Variants in ZNF135 observed in about 807,000 individuals in gnomAD.
ZNF135 encodes zinc finger protein 135.
ZNF135 carries 11 observed loss-of-function variants against 12.3 expected under a neutral mutation model. The ratio of observed to expected loss-of-function variants is 0.89; its 90% CI spans 0.56 to 1.48. The LOEUF is 1.48. Ranked by LOEUF, ZNF135 falls within the 40% of genes most tolerant of loss-of-function variation. The pLI is 0.00. For synonymous variants in ZNF135, 316 were observed against 312.0 expected (o/e 1.01, Z -0.14); for missense variants, 722 against 815.7 (o/e 0.89, Z 1.40).
At position 58,059,299 on chromosome 19, in the gene ZNF135, G is replaced by A. The variant is rs1264370580; in HGVS notation, c.-46G>A. ...CTGCCGGTGCCGCGGCCTTTGTCTC[G>A]CAGTCAGGAGGGTGAGCTAGGCCGG... On this transcript the variant is annotated 5_prime_UTR_variant, in exon 1 of 5. Transcript: ENST00000313434. This position sits in a 1 kb window ranked among gnomAD's most constrained non-coding sequence, Gnocchi z 6.5. 1 of 1,516,396 alleles carries A rather than the reference G, an allele frequency of 6.6e-7. No homozygotes were observed. The highest frequency in any genetic ancestry group is 8.8e-7 in the Non-Finnish European group (1 of 1,131,398). The allele number at this position is 1,516,396 out of a possible 1,614,324, so 93.9% of individuals were successfully genotyped here. A position where few individuals can be genotyped will look rare whatever the true frequency, so the allele number is the denominator to read the frequency against.
Position 58,068,372 on chromosome 19 carries a change from G to A in ZNF135, c.1888G>A (p.Gly630Arg), listed in dbSNP as rs1441103904. 1 of 1,614,178 alleles carries A rather than the reference G, an allele frequency of 6.2e-7. No individual in the cohort carries two copies. Among genetic ancestry groups the A allele is most frequent in the South Asian group, 1.1e-5 (1 of 91,086 alleles). Residue 630 changes from glycine to arginine, a missense_variant, in exon 5 of 5, where the codon GGA becomes AGA. Gly to Arg is a moderately radical substitution (Grantham distance 125). Coordinates refer to ENST00000313434, the MANE Select transcript of ZNF135 (RefSeq NM_001289401.2). ...HLTQHRRIHT[G>R]EKPYACRDCG... Reference sequence around the variant, plus strand: ...CACTCAGCACCGGAGGATCCACACAGGAGAGAAGCCATATGCATGCAGGGA... The same window carrying A: ...CACTCAGCACCGGAGGATCCACACAAGAGAGAAGCCATATGCATGCAGGGA...
rs1353407711 is a variant in ZNF135 at position 58,068,385 on chromosome 19, A to G, written c.1901A>G (p.Tyr634Cys). 6.2e-7 allele frequency: 1 copy of G among 1,614,226 alleles called. No homozygotes were observed. The highest frequency in any genetic ancestry group is 2.2e-5 in the East Asian group (1 of 44,888). The change falls in exon 5 of 5, where the codon TAT becomes TGT. Residue 634 changes from tyrosine to cysteine, a missense_variant. Tyr to Cys is a radical substitution (Grantham distance 194). Coordinates refer to ENST00000313434, the MANE Select transcript of ZNF135 (RefSeq NM_001289401.2). ...HRRIHTGEKPYACRDCGKAFT... is the reference protein window; with the variant it reads ...HRRIHTGEKPCACRDCGKAFT... ...AGGATCCACACAGGAGAGAAGCCAT[A>G]TGCATGCAGGGACTGTGGAAAGGCC...
At position 58,065,652 on chromosome 19, in the gene ZNF135, G is replaced by A. The variant is rs555038098; in HGVS notation, c.257-1089G>A. On this transcript the variant is annotated intron_variant, in intron 4 of 4. Coordinates refer to ENST00000313434, the MANE Select transcript of ZNF135 (RefSeq NM_001289401.2). This position sits in a 1 kb window ranked among gnomAD's most constrained non-coding sequence, Gnocchi z 4.0. ...CTTTTTTCCCCATTTAAGGACCCTCGTGATTACACAGGTCCACCCAGATAA... is the reference window on the plus strand; with the variant it reads ...CTTTTTTCCCCATTTAAGGACCCTCATGATTACACAGGTCCACCCAGATAA... Among the ~76,000 whole-genome samples the A allele has an allele frequency of 2.6e-5, 4 of 152,108 alleles. No homozygotes were observed. The highest frequency in any genetic ancestry group is 1.9e-4 in the East Asian group (1 of 5,174).
Position 58,066,906 on chromosome 19 carries a change from A to G in ZNF135, c.422A>G (p.Glu141Gly), listed in dbSNP as rs751883326. The change falls in exon 5 of 5, where the codon GAG (glutamate) becomes GGG (glycine). Residue 141 changes from glutamate (E) to glycine (G), a missense_variant. Coordinates refer to ENST00000313434, the MANE Select transcript of ZNF135 (RefSeq NM_001289401.2). ...TGGGAATGGAGTTGTGAGAGTCTAG[A>G]GAGCCTGGCAGTGCCGGTGGCCTTC... ...GHWEWSCESL[E>G]SLAVPVAFTP... 1 of 1,614,216 alleles carries G rather than the reference A, an allele frequency of 6.2e-7. No individual in the cohort carries two copies. Among genetic ancestry groups the G allele is most frequent in the Non-Finnish European group, 8.5e-7 (1 of 1,180,042 alleles).
chr19:58,059,356 G>A lies in ZNF135; in HGVS notation c.-35+46G>A. The A allele has an allele frequency of 8.6e-6, 10 of 1,156,670 alleles. No individual in the cohort carries two copies. The highest frequency in any genetic ancestry group is 1.2e-5 in the Non-Finnish European group (10 of 857,532). The allele number at this position is 1,156,670 out of a possible 1,614,324, so 71.7% of individuals were successfully genotyped here. A position where few individuals can be genotyped will look rare whatever the true frequency, so the allele number is the denominator to read the frequency against. On this transcript the variant is annotated intron_variant, in intron 1 of 4. Coordinates refer to ENST00000313434, the MANE Select transcript of ZNF135 (RefSeq NM_001289401.2). The surrounding 1 kb of genome is among the most constrained non-coding windows in gnomAD (Gnocchi z 6.5). ...GGGGGAGGGGAGGCCAGGCCGGGCCGGGCCGGGCCGGGTGCGGGGGGTCCG... is the reference window on the plus strand; with the variant it reads ...GGGGGAGGGGAGGCCAGGCCGGGCCAGGCCGGGCCGGGTGCGGGGGGTCCG...
chr19:58,064,661 T>G (rs994997166), intron 4 of ZNF135, among the ~76,000 whole-genome samples: 4 of 151,786 alleles, frequency 2.6e-5, no homozygotes, highest in Non-Finnish European at 5.9e-5. Context: ...GCAGGTGGTA[T>G]TTGAGGTCGG....
chr19:58,066,928 C>G lies in ZNF135; in HGVS notation c.444C>G (p.Ala148=). 1 of 1,614,174 alleles carries G rather than the reference C, an allele frequency of 6.2e-7. No homozygotes were observed. The highest frequency in any genetic ancestry group is 8.5e-7 in the Non-Finnish European group (1 of 1,180,028). The change falls in exon 5 of 5, where the codon GCC becomes GCG. Residue 148 remains alanine (A), a synonymous_variant. Transcript: ENST00000313434. ...ESLESLAVPV[A]FTPVKTPVLE... ...TAGAGAGCCTGGCAGTGCCGGTGGC[C>G]TTCACGCCTGTGAAGACGCCTGTTC...
rs2074045601 is a variant in ZNF135 at position 58,065,251 on chromosome 19, T to A, written c.257-1490T>A. Among the ~76,000 whole-genome samples the A allele has an allele frequency of 6.6e-6, 1 of 152,108 alleles. No homozygotes were observed. The highest frequency in any genetic ancestry group is 2.4e-5 in the African/African-American group (1 of 41,432). On this transcript the variant is annotated intron_variant, in intron 4 of 4. Transcript: ENST00000313434. The surrounding 1 kb of genome is among the most constrained non-coding windows in gnomAD (Gnocchi z 4.0). ...CTATCTTGCCTAGGATGGAGTCCAG[T>A]GGTATGATCATGGCTCACAGCAACC...
chr19:58,060,020 C>A lies in ZNF135; in HGVS notation c.18C>A (p.Arg6=). Residue 6 remains arginine, a synonymous_variant, in exon 2 of 5, where the codon CGC becomes CGA. Coordinates refer to ENST00000313434, the MANE Select transcript of ZNF135 (RefSeq NM_001289401.2). The surrounding 1 kb of genome is among the most constrained non-coding windows in gnomAD (Gnocchi z 4.9). MTPGV[R]VSTDPEQVTF... ...GCCAGGGCATGACCCCTGGGGTGCG[C>A]GTCTCCACAGACCCGGTGAGAATCT... 6.2e-7 allele frequency: 1 copy of A among 1,613,502 alleles called. No homozygotes were observed.
Position 58,059,903 on chromosome 19 carries a change from TC to T in ZNF135, c.-34-62del. On this transcript the variant is annotated intron_variant, in intron 1 of 4. Coordinates refer to ENST00000313434, the MANE Select transcript of ZNF135 (RefSeq NM_001289401.2). The surrounding 1 kb of genome is among the most constrained non-coding windows in gnomAD (Gnocchi z 6.5). ...GGAGCTCCCCAGGCTCTGGCGCAGT[TC>T]CCCGGCTTGGGGACCTGAGCACCGC... 1 of 1,583,952 alleles carries T rather than the reference TC, an allele frequency of 6.3e-7. No homozygotes were observed. Among genetic ancestry groups the T allele is most frequent in the Admixed American group, 1.7e-5 (1 of 58,940 alleles).
Position 58,060,063 on chromosome 19 carries a change from T to G in ZNF135, c.33+28T>G, listed in dbSNP as rs778434655. The G allele has an allele frequency of 3.7e-6, 6 of 1,612,320 alleles. No individual in the cohort carries two copies. The African/African-American group carries it at 6.7e-5, about 18-fold the overall frequency. Reference sequence around the variant, plus strand: ...GAGAATCTCGGCCTCCTTGCGCGTGTCCTCCACCTCGTGCCCGGCCTCCTC... The same window carrying G: ...GAGAATCTCGGCCTCCTTGCGCGTGGCCTCCACCTCGTGCCCGGCCTCCTC... On this transcript the variant is annotated intron_variant, in intron 2 of 4. Coordinates refer to ENST00000313434, the MANE Select transcript of ZNF135 (RefSeq NM_001289401.2). This position sits in a 1 kb window ranked among gnomAD's most constrained non-coding sequence, Gnocchi z 4.9.
rs1472701388 is a variant in ZNF135, at chr19:58,063,445, G to C, written c.161-1G>C. 2.5e-6 allele frequency: 4 copies of C among 1,613,894 alleles called. No homozygotes were observed. Among genetic ancestry groups the C allele is most frequent in the African/African-American group, 2.7e-5 (2 of 74,922 alleles). ...CACTCTATGGGTCTCTCCCTGAGCA[G>C]GACATTGGTTACCGAAGCCGAATGT... On this transcript the variant is annotated splice_acceptor_variant, in intron 3 of 4. Coordinates refer to ENST00000313434, the MANE Select transcript of ZNF135 (RefSeq NM_001289401.2). LOFTEE classifies it high-confidence loss of function. The surrounding 1 kb of genome is among the most constrained non-coding windows in gnomAD (Gnocchi z 4.4).
chr19:58,067,897 T>C lies in ZNF135; in HGVS notation c.1413T>C (p.Cys471=), dbSNP rs1476226953. 1.2e-6 allele frequency: 2 copies of C among 1,610,000 alleles called. No homozygotes were observed. Among genetic ancestry groups the C allele is most frequent in the Non-Finnish European group, 1.7e-6 (2 of 1,178,866 alleles). The stretch of plus-strand genomic sequence containing the variant: ...AGAAGCCCTATGAGTGCAGTCAGTG[T>C]GGGAAGGCCTTCCGGCAGAGCACAC... ...TGEKPYECSQ[C]GKAFRQSTHL... is the part of the protein sequence containing the mutation. The change falls in exon 5 of 5, where the codon TGT becomes TGC. Residue 471 remains cysteine, a synonymous_variant. Coordinates refer to ENST00000313434, the MANE Select transcript of ZNF135 (RefSeq NM_001289401.2).
rs776885549 is a variant in ZNF135, at chr19:58,068,114, C to T, written c.1630C>T (p.His544Tyr). 1 of 1,614,156 alleles carries T rather than the reference C, an allele frequency of 6.2e-7. No homozygotes were observed. ...TCCCCTCATTCAGCATCAGAGGATC[C>T]ACACAGGAGAGAAACCCTATGAATG... ...LAPLIQHQRI[H>Y]TGEKPYECNQ... is the part of the protein sequence containing the mutation. Residue 544 changes from histidine to tyrosine, a missense_variant, in exon 5 of 5, where the codon CAC becomes TAC. By Grantham distance (83) the His-to-Tyr change is moderately conservative (BLOSUM62 2). Coordinates refer to ENST00000313434, the MANE Select transcript of ZNF135 (RefSeq NM_001289401.2).
chr19:58,062,221 A>G (rs1212271783), intron 3 of ZNF135, among the ~76,000 whole-genome samples: 1 of 152,184 alleles, frequency 6.6e-6, no homozygotes, highest in Non-Finnish European at 1.5e-5. Flanking sequence ...CCATAAGGGC[A>G]AGGGAGTTAT....
chr19:58,066,761 G>A lies in ZNF135; in HGVS notation c.277G>A (p.Val93Ile). ...TTCAGACTTGGAAACTAGACCCAAA[G>A]TCAAACTGTCAGTTCTAAAGCAAGG... ...VYPDLETRPKVKLSVLKQGIS... is the reference protein window; with the variant it reads ...VYPDLETRPKIKLSVLKQGIS... Residue 93 changes from valine to isoleucine, a missense_variant, in exon 5 of 5, where the codon GTC becomes ATC. Physicochemically the swap from Val to Ile is conservative, Grantham distance 29 (BLOSUM62 3). Transcript: ENST00000313434. 6.2e-7 allele frequency: 1 copy of A among 1,614,008 alleles called. No individual in the cohort carries two copies. The highest frequency in any genetic ancestry group is 8.5e-7 in the Non-Finnish European group (1 of 1,179,924).
chr19:58,062,418 T>A (rs921484918), intron 3 of ZNF135, among the ~76,000 whole-genome samples: 23 of 152,304 alleles, frequency 1.5e-4, no homozygotes, highest in African/African-American at 5.1e-4. Context: ...AGTCTCGCTG[T>A]GTCACCCGGG....
Position 58,066,812 on chromosome 19 carries a change from G to A in ZNF135, c.328G>A (p.Val110Ile). ...CATCTCTGAAGAAATATCCAACAGT[G>A]TCATCTTGGTAGAAAGATTCCTGTG... ...QGISEEISNSVILVERFLWDG... is the reference protein window; with the variant it reads ...QGISEEISNSIILVERFLWDG... Residue 110 changes from valine to isoleucine, a missense_variant, in exon 5 of 5, where the codon GTC becomes ATC. Coordinates refer to ENST00000313434, the MANE Select transcript of ZNF135 (RefSeq NM_001289401.2). The A allele has an allele frequency of 6.2e-7, 1 of 1,614,202 alleles. No individual in the cohort carries two copies. The highest frequency in any genetic ancestry group is 8.5e-7 in the Non-Finnish European group (1 of 1,180,044).
chr19:58,067,062 G>A lies in ZNF135; in HGVS notation c.578G>A (p.Arg193His), dbSNP rs185334271. 22 of 1,614,182 alleles carry A rather than the reference G, an allele frequency of 1.4e-5. No homozygotes were observed. The highest frequency in any genetic ancestry group is 1.6e-4 in the Middle Eastern group (1 of 6,062). The change falls in exon 5 of 5, where the codon CGT (arginine) becomes CAT (histidine). Residue 193 changes from arginine to histidine, a missense_variant. Arg to His is a conservative substitution (Grantham distance 29). Transcript: ENST00000313434. ...ERQSPHTWGT[R>H]GKREKPDLNV... ...CAAAGCCCCCACACATGGGGAACACGTGGAAAAAGGGAGAAGCCAGACCTA... is the reference window on the plus strand; with the variant it reads ...CAAAGCCCCCACACATGGGGAACACATGGAAAAAGGGAGAAGCCAGACCTA...
Sources: gnomAD v4.1 joint callset for allele counts (sites outside exome capture counted in the v4.1 genomes callset) on GRCh38, gnomAD v4.1.1 for gene constraint, Gnocchi (gnomAD v3.1) non-coding constraint, MANE v1.5 for transcripts, NCBI Gene and HGNC (gene_info 2026-07-23, HGNC 2026-07-21) for gene names.